Variants in PCDHA2 observed in about 807,000 individuals in gnomAD.
The protein encoded by PCDHA2 is protocadherin alpha 2, also known as protocadherin alpha-2.
Under a neutral mutation model 66.0 loss-of-function variants are expected in PCDHA2, and 58 were observed. The observed-to-expected ratio is 0.88, with a 90% CI of 0.71 to 1.09. PCDHA2 has a LOEUF of 1.09. Among genes scored for constraint, PCDHA2 ranks in the 50% least tolerant of loss-of-function variants. The pLI is 0.00. For synonymous variants in PCDHA2, 634 were observed against 554.0 expected (o/e 1.14, Z -2.03); for missense variants, 1,267 against 1,242.3 (o/e 1.02, Z -0.30).
rs782435677 is a variant in PCDHA2 at position 140,795,093 on chromosome 5, C to T, written c.129C>T (p.Thr43=). ...YSVPEEAKHG[T]FVGRIAQDLG... is the part of the protein sequence containing the mutation. ...TCCCCGAGGAGGCCAAACACGGCACCTTCGTGGGCCGCATCGCGCAGGACC... is the reference window on the plus strand; with the variant it reads ...TCCCCGAGGAGGCCAAACACGGCACTTTCGTGGGCCGCATCGCGCAGGACC... Residue 43 remains threonine (T), a synonymous_variant, in exon 1 of 4, where the codon ACC becomes ACT. Coordinates refer to ENST00000526136, the MANE Select transcript of PCDHA2 (RefSeq NM_018905.3). 3 of 1,613,908 alleles carry T rather than the reference C, an allele frequency of 1.9e-6. No homozygotes were observed. Among genetic ancestry groups the T allele is most frequent in the Admixed American group, 1.7e-5 (1 of 60,006 alleles).
At chr5:140,850,291 C>T (rs782425750) in intron 1 of PCDHA2, 1 of 1,596,090 alleles carries the variant, frequency 6.3e-7, no homozygotes, top group African/African-American at 1.3e-5. Flanking sequence ...GCAGTGGACG[C>T]CGACTCGGGC....
chr5:140,796,436 C>T lies in PCDHA2; in HGVS notation c.1472C>T (p.Ser491Phe). 1 of 1,613,576 alleles carries T rather than the reference C, an allele frequency of 6.2e-7. No homozygotes were observed. Among genetic ancestry groups the T allele is most frequent in the Non-Finnish European group, 8.5e-7 (1 of 1,179,942 alleles). Residue 491 changes from serine (S) to phenylalanine (F), a missense_variant, in exon 1 of 4, where the codon TCC (serine) becomes TTC (phenylalanine). Ser to Phe is a radical substitution (Grantham distance 155, BLOSUM62 -2). Coordinates refer to ENST00000526136, the MANE Select transcript of PCDHA2 (RefSeq NM_018905.3). ...DADAQENALV[S>F]YSLVERRVGE... ...GACGCGCAGGAGAACGCGCTGGTGTCCTACTCGCTGGTGGAGCGGCGGGTG... is the reference window on the plus strand; with the variant it reads ...GACGCGCAGGAGAACGCGCTGGTGTTCTACTCGCTGGTGGAGCGGCGGGTG...
chr5:140,856,173 C>T (rs782775861), intron 1 of PCDHA2: 10 of 1,598,116 alleles, frequency 6.3e-6, no homozygotes, highest in African/African-American at 1.3e-5. Flanking sequence ...AGACACGGCA[C>T]CTTCGTGGGC....
At chr5:140,802,565 G>A in intron 1 of PCDHA2, 1 of 1,614,162 alleles carries the variant, frequency 6.2e-7, no homozygotes, top group South Asian at 1.1e-5. Flanking sequence ...CGGCATTCTC[G>A]CAGTCCGAGT....
At position 140,794,895 on chromosome 5, in the gene PCDHA2, C is replaced by G. The variant is rs560723600; in HGVS notation, c.-70C>G. The G allele has an allele frequency of 4.1e-6, 6 of 1,474,632 alleles. No homozygotes were observed. Among genetic ancestry groups the G allele is most frequent in the Non-Finnish European group, 5.5e-6 (6 of 1,091,600 alleles). The allele number at this position is 1,474,632 out of a possible 1,614,324, so 91.3% of individuals were successfully genotyped here. A position where few individuals can be genotyped will look rare whatever the true frequency, so the allele number is the denominator to read the frequency against. On this transcript the variant is annotated 5_prime_UTR_variant, in exon 1 of 4. Transcript: ENST00000526136. ...AATAAGAGAAGCAGCAGGACTTTAA[C>G]AGAGACTAGAATATTTAAATTTTTG...
chr5:140,892,087 T>G (rs2063378040), intron 1 of PCDHA2, among the ~76,000 whole-genome samples: 1 of 152,226 alleles, frequency 6.6e-6, no homozygotes, highest in East Asian at 1.9e-4. Context: ...TAGTTTCCTC[T>G]CGAAACTTTC....
At chr5:140,842,326 C>T (rs1406099374) in intron 1 of PCDHA2, 4 of 1,606,084 alleles carry the variant, frequency 2.5e-6, no homozygotes, top group African/African-American at 1.3e-5. Flanking sequence ...GTCATTGCAC[C>T]GTTTTAGTGA....
chr5:140,995,949 G>T (rs781875497), intron 3 of PCDHA2, among the ~76,000 whole-genome samples: 1 of 152,160 alleles, frequency 6.6e-6, no homozygotes, highest in African/African-American at 2.4e-5. Context: ...CATAATGCAC[G>T]CAAAATGCTT....
At chr5:140,807,739 T>C (rs1764022393) in intron 1 of PCDHA2, 3 of 1,614,194 alleles carry the variant, frequency 1.9e-6, no homozygotes, top group South Asian at 1.1e-5. Flanking sequence ...AAAAACCACC[T>C]GATGACGAGC....
intron 1 of PCDHA2, chr5:140,836,144 G>A (rs2150253955): frequency 1.5e-5 from 25 of 1,613,780 alleles, no homozygotes; most frequent in Non-Finnish European, 2.1e-5. Context: ...CTGTGGGCGC[G>A]GGCCATGTGG....
At chr5:140,983,239 C>A (rs557831259) in intron 3 of PCDHA2, among the ~76,000 whole-genome samples, 53 of 152,294 alleles carry the variant, frequency 3.5e-4, no homozygotes, top group African/African-American at 1.2e-3. Context: ...GGAAAGAGAA[C>A]CTGCTAAGTT....
intron 1 of PCDHA2, chr5:140,876,457 T>C: frequency 6.2e-7 from 1 of 1,614,008 alleles, no homozygotes; most frequent in Non-Finnish European, 8.5e-7. Flanking sequence ...AGGGATTCCT[T>C]CCATGGCAGG....
At chr5:140,973,862 A>G (rs1438238778) in intron 1 of PCDHA2, among the ~76,000 whole-genome samples, 2 of 152,196 alleles carry the variant, frequency 1.3e-5, no homozygotes, top group Non-Finnish European at 2.9e-5. Flanking sequence ...TTTGCTCTCA[A>G]TGAGAGGTCA....
Position 140,797,068 on chromosome 5 carries a change from A to C in PCDHA2, c.2104A>C (p.Ile702Leu), listed in dbSNP as rs369236781. The part of the protein sequence containing the change: ...TLVDVNVYLI[I>L]AICAVSSLLV... Reference sequence around the variant, plus strand: ...GGTGGATGTCAACGTGTACCTGATCATCGCCATCTGCGCGGTATCCAGCCT... The same window carrying C: ...GGTGGATGTCAACGTGTACCTGATCCTCGCCATCTGCGCGGTATCCAGCCT... Residue 702 changes from isoleucine to leucine, a missense_variant, in exon 1 of 4, where the codon ATC becomes CTC. Coordinates refer to ENST00000526136, the MANE Select transcript of PCDHA2 (RefSeq NM_018905.3). 62 of 1,613,816 alleles carry C rather than the reference A, an allele frequency of 3.8e-5. No homozygotes were observed. Among genetic ancestry groups the C allele is most frequent in the Non-Finnish European group, 5.1e-5 (60 of 1,179,962 alleles).
intron 1 of PCDHA2, chr5:140,853,187 G>A: frequency 1.0e-6 from 1 of 979,936 alleles, no homozygotes; most frequent in Non-Finnish European, 1.2e-6. Flanking sequence ...CCTAAAATGT[G>A]TTCTTTATTA....
At chr5:140,870,279 T>C (rs1047130885) in intron 1 of PCDHA2, 3 of 1,614,120 alleles carry the variant, frequency 1.9e-6, no homozygotes, top group Non-Finnish European at 2.5e-6. Context: ...CGCCCCACGT[T>C]CCCTTCAAGC....
intron 1 of PCDHA2, chr5:140,868,990 G>T: frequency 6.6e-7 from 1 of 1,511,604 alleles, no homozygotes; most frequent in Non-Finnish European, 8.8e-7. Flanking sequence ...GGATGCCACC[G>T]TTTAAGGATC....
chr5:140,875,028 G>C (rs1321534427), intron 1 of PCDHA2, among the ~76,000 whole-genome samples: 1 of 152,198 alleles, frequency 6.6e-6, no homozygotes, highest in Non-Finnish European at 1.5e-5. Flanking sequence ...CTGGCCTACT[G>C]TATTTGAAAG....
chr5:140,875,485 G>C (rs367652529), intron 1 of PCDHA2: 10 of 1,611,542 alleles, frequency 6.2e-6, no homozygotes, highest in Non-Finnish European at 7.6e-6. Context: ...GGTGATTATC[G>C]GACCAAGAGG....
Sources: gnomAD v4.1 joint callset for allele counts (sites outside exome capture counted in the v4.1 genomes callset) on GRCh38, gnomAD v4.1.1 for gene constraint, MANE v1.5 for transcripts, NCBI Gene and HGNC (gene_info 2026-07-23, HGNC 2026-07-21) for gene names.